The following KAZN variants were observed in gnomAD, a reference collection of about 807,000 sequenced individuals.
KAZN encodes the protein kazrin, periplakin interacting protein, also known as kazrin.
A neutral mutation model predicts 87.4 loss-of-function variants in KAZN; 40 were observed. The observed-to-expected ratio is 0.46, with a 90% confidence interval of 0.36 to 0.60. KAZN has a LOEUF of 0.60. Ranked by LOEUF, KAZN falls within the 20% of genes least tolerant of loss-of-function variation. The probability of loss-of-function intolerance (pLI) is 0.00; values close to 1 mark genes in which losing one functional copy is unlikely to be tolerated. For synonymous variants in KAZN, 466 were observed against 458.3 expected (o/e 1.02, Z -0.22); for missense variants, 898 against 1,073.9 (o/e 0.84, Z 2.29).
chr1:14,815,216 G>A (rs986409386), intron 1 of KAZN, among the ~76,000 whole-genome samples: 4 of 152,190 alleles, frequency 2.6e-5, no homozygotes, highest in Admixed American at 1.3e-4. Context: ...GGGAAATGCT[G>A]CAGTCGTGGG....
At chr1:15,010,539 C>G (rs1415637551) in intron 2 of KAZN, among the ~76,000 whole-genome samples, 1 of 152,070 alleles carries the variant, frequency 6.6e-6, no homozygotes, top group Non-Finnish European at 1.5e-5. Context: ...TACAGGCGCC[C>G]GCCACCATGC....
chr1:14,002,481 G>A (rs1215914235), intron 1 of KAZN, among the ~76,000 whole-genome samples: 1 of 152,178 alleles, frequency 6.6e-6, no homozygotes, highest in African/African-American at 2.4e-5. Flanking sequence ...CTGCCACCAC[G>A]TAAGAAGTGC....
intron 1 of KAZN, among the ~76,000 whole-genome samples, chr1:13,945,276 C>A (rs2100980634): frequency 6.6e-6 from 1 of 150,922 alleles, no homozygotes; most frequent in Admixed American, 6.6e-5. Context: ...AAGTTCGAGA[C>A]CAGCCTGGCC....
chr1:14,154,199 T>A (rs1645538780), intron 1 of KAZN, among the ~76,000 whole-genome samples: 1 of 152,190 alleles, frequency 6.6e-6, no homozygotes. Context: ...TGTAGTTTTC[T>A]TTCCAGAGAT....
chr1:14,852,463 C>T (rs536078272), intron 1 of KAZN, among the ~76,000 whole-genome samples: 13 of 152,232 alleles, frequency 8.5e-5, no homozygotes, highest in South Asian at 2.1e-4. Context: ...GAGGCAGCAG[C>T]TCTGTGATGT....
chr1:14,946,558 C>CA (rs1478131511), intron 1 of KAZN, among the ~76,000 whole-genome samples: 1 of 152,046 alleles, frequency 6.6e-6, no homozygotes, highest in Non-Finnish European at 1.5e-5. Flanking sequence ...AGGATGGTCT[C>CA]AATCTGGTTT....
At chr1:14,559,662 C>T (rs994533782) in intron 2 of KAZN, among the ~76,000 whole-genome samples, 1 of 152,168 alleles carries the variant, frequency 6.6e-6, no homozygotes, top group Admixed American at 6.5e-5. Flanking sequence ...ATTGAGGGCT[C>T]AGAAAGCACA....
intron 2 of KAZN, among the ~76,000 whole-genome samples, chr1:14,440,390 T>C (rs996811557): frequency 2.6e-5 from 4 of 152,334 alleles, no homozygotes; most frequent in African/African-American, 4.8e-5. Flanking sequence ...TTCTTTGCTG[T>C]AGACATGAAG....
intron 2 of KAZN, among the ~76,000 whole-genome samples, chr1:14,269,118 G>T (rs1651720538): frequency 6.6e-6 from 1 of 152,174 alleles, no homozygotes. Flanking sequence ...CTCTTAAGGG[G>T]AATTTTCAAC....
At chr1:14,886,617 C>T (rs777830881) in intron 1 of KAZN, among the ~76,000 whole-genome samples, 7 of 152,038 alleles carry the variant, frequency 4.6e-5, no homozygotes, top group Non-Finnish European at 8.8e-5. Context: ...CATGGAGAAA[C>T]CCTGTCTCTA....
At chr1:14,416,887 T>C (rs1664812620) in intron 2 of KAZN, among the ~76,000 whole-genome samples, 1 of 151,906 alleles carries the variant, frequency 6.6e-6, no homozygotes, top group Non-Finnish European at 1.5e-5. Context: ...ATCAGGAGTT[T>C]AAGACCAGCC....
At chr1:14,439,297 A>C (rs775697201) in intron 2 of KAZN, among the ~76,000 whole-genome samples, 3 of 152,102 alleles carry the variant, frequency 2.0e-5, no homozygotes. Context: ...TTGGCTCTGC[A>C]TTCAAAATAC....
intron 2 of KAZN, among the ~76,000 whole-genome samples, chr1:14,999,525 T>C: frequency 1.2e-5 from 1 of 84,220 alleles, no homozygotes. Flanking sequence ...CATCCAGACC[T>C]TGACCTTGGC....
At chr1:14,680,982 T>C (rs1640535728) in intron 1 of KAZN, among the ~76,000 whole-genome samples, 4 of 152,130 alleles carry the variant, frequency 2.6e-5, no homozygotes, top group Non-Finnish European at 5.9e-5. Context: ...TGGCAGAAGA[T>C]GTAGAGGGAA....
At chr1:14,638,593 CAAA>C (rs1680189043) in intron 1 of KAZN, among the ~76,000 whole-genome samples, 1 of 131,436 alleles carries the variant, frequency 7.6e-6, no homozygotes, top group Non-Finnish European at 1.6e-5. Flanking sequence ...AAAAAAAAAA[CAAA>C]AAGGGTTGTC....
intron 1 of KAZN, chr1:14,924,577 G>A: frequency 2.0e-6 from 2 of 1,012,828 alleles, no homozygotes; most frequent in Non-Finnish European, 2.4e-6. Context: ...AGCCCGGTAG[G>A]TGCGCGCGGG....
intron 1 of KAZN, among the ~76,000 whole-genome samples, chr1:14,061,409 A>G (rs1642788495): frequency 6.6e-6 from 1 of 152,230 alleles, no homozygotes; most frequent in Non-Finnish European, 1.5e-5. Flanking sequence ...AAGAAGGGGT[A>G]GAGAGGGCAC....
intron 1 of KAZN, among the ~76,000 whole-genome samples, chr1:14,642,827 A>G (rs532846549): frequency 6.6e-5 from 10 of 152,268 alleles, no homozygotes; most frequent in Non-Finnish European, 1.3e-4. Context: ...TTTAAAAACA[A>G]AAATATAAGG....
At chr1:15,023,667 T>C (rs1162555068) in intron 2 of KAZN, among the ~76,000 whole-genome samples, 1 of 151,810 alleles carries the variant, frequency 6.6e-6, no homozygotes, top group East Asian at 2.0e-4. Flanking sequence ...AGTGACATGG[T>C]CTGAGCTGCC....
Sources: allele counts gnomAD v4.1 joint callset (sites outside exome capture counted in the v4.1 genomes callset), GRCh38; gene constraint gnomAD v4.1.1; transcripts MANE v1.5; gene names NCBI Gene and HGNC (gene_info 2026-07-23, HGNC 2026-07-21).